AKAP6: variants seen among roughly 807,000 people sequenced by gnomAD.
AKAP6 encodes A-kinase anchor protein 6.
AKAP6 carries 58 observed loss-of-function variants against 188.5 expected under a neutral mutation model. The ratio of observed to expected loss-of-function variants is 0.31; its 90% CI spans 0.25 to 0.38. The LOEUF (loss-of-function observed/expected upper bound fraction) is 0.38, where lower values mean the gene tolerates loss of function less well. Ranked by LOEUF, AKAP6 falls within the 10% of genes least tolerant of loss-of-function variation. The pLI is 1.00. For synonymous variants in AKAP6, 989 were observed against 998.6 expected, an observed-to-expected ratio of 0.99 and a Z score of 0.18; for missense variants, 2,710 against 2,740.0, an observed-to-expected ratio of 0.99 and a Z score of 0.24.
In AKAP6 at chr14:32,653,963, G is replaced by A. The variant is rs529977016; in HGVS notation, c.2731-24348G>A. Among the ~76,000 whole-genome samples, 114 of 152,226 alleles carry A rather than the reference G, an allele frequency of 7.5e-4. 1 individual carries two copies. In the South Asian group the frequency reaches 0.022, roughly 29 times the overall value. ...TAAAAACCTATACAGACTCATAGTA[G>A]CAAATCAGATGGCCCATGTCTTGGG... On this transcript the variant is annotated intron_variant, in intron 7 of 13. Coordinates refer to ENST00000280979, the MANE Select transcript of AKAP6 (RefSeq NM_004274.5).
intron 7 of AKAP6, among the ~76,000 whole-genome samples, chr14:32,633,237 G>T (rs11844811): frequency 0.021 from 3,155 of 152,160 alleles, 113 homozygotes; most frequent in African/African-American, 0.072. Context: ...TTTTACATCA[G>T]AAAATATGGA....
At chr14:32,764,021 G>A (rs1229768989) in intron 11 of AKAP6, among the ~76,000 whole-genome samples, 1 of 152,146 alleles carries the variant, frequency 6.6e-6, no homozygotes, top group Non-Finnish European at 1.5e-5. Flanking sequence ...AGAGAATAGA[G>A]CTATCAGGAC....
At chr14:32,365,577 G>T (rs1379843425) in intron 1 of AKAP6, among the ~76,000 whole-genome samples, 2 of 152,054 alleles carry the variant, frequency 1.3e-5, no homozygotes, top group Non-Finnish European at 2.9e-5. Flanking sequence ...GCCCCCCAGG[G>T]ACCCCATTCT....
chr14:32,648,210 G>T (rs769153405), intron 7 of AKAP6, among the ~76,000 whole-genome samples: 1 of 152,030 alleles, frequency 6.6e-6, no homozygotes, highest in South Asian at 2.1e-4. Context: ...AAAAACAGAC[G>T]TTTTAGAAAA....
intron 1 of AKAP6, among the ~76,000 whole-genome samples, chr14:32,412,572 T>C (rs1385920703): frequency 2.6e-5 from 4 of 152,204 alleles, no homozygotes; most frequent in Non-Finnish European, 4.4e-5. Context: ...CATTATGCAT[T>C]CTATGAAGGG....
chr14:32,827,459 T>A (rs2034703314), intron 13 of AKAP6, among the ~76,000 whole-genome samples: 1 of 151,936 alleles, frequency 6.6e-6, no homozygotes, highest in Non-Finnish European at 1.5e-5. Flanking sequence ...GTAACAAAAA[T>A]GTTTTCCAGA....
intron 13 of AKAP6, among the ~76,000 whole-genome samples, chr14:32,825,104 T>C (rs556157740): frequency 2.6e-5 from 4 of 152,190 alleles, no homozygotes; most frequent in Non-Finnish European, 4.4e-5. Context: ...AATTCTTCCA[T>C]TGAGGGAGAA....
Position 32,546,424 on chromosome 14 carries a change from A to G in AKAP6, c.1771A>G (p.Ile591Val). Residue 591 changes from isoleucine (I) to valine (V), a missense_variant, in exon 4 of 14, where the codon ATC (isoleucine) becomes GTC (valine). By Grantham distance (29) the Ile-to-Val change is conservative. This residue lies in a region of AKAP6 where 2,473 missense variants were observed against 2,426.1 expected (regional missense o/e 1.02). Transcript: ENST00000280979. ...TGAATCCTCTGTTGGCTCAGACAAC[A>G]TCATGTCTCCGGTGCCACTTCTTTC... ...SSESSVGSDN[I>V]MSPVPLLSKH... 1.2e-6 allele frequency: 2 copies of G among 1,614,202 alleles called. No individual in the cohort carries two copies. Among genetic ancestry groups the G allele is most frequent in the Non-Finnish European group, 1.7e-6 (2 of 1,180,030 alleles).
At chr14:32,680,657 G>A (rs1889638421) in intron 8 of AKAP6, among the ~76,000 whole-genome samples, 1 of 152,238 alleles carries the variant, frequency 6.6e-6, no homozygotes, top group East Asian at 1.9e-4. Flanking sequence ...ATGTACTAAT[G>A]TAGCTGAAAA....
At chr14:32,506,172 A>G (rs1385143383) in intron 2 of AKAP6, among the ~76,000 whole-genome samples, 1 of 152,158 alleles carries the variant, frequency 6.6e-6, no homozygotes, top group Non-Finnish European at 1.5e-5. Flanking sequence ...AATAATTATA[A>G]AATGAGATAT....
At chr14:32,730,552 G>A (rs1323400084) in intron 9 of AKAP6, among the ~76,000 whole-genome samples, 2 of 152,026 alleles carry the variant, frequency 1.3e-5, no homozygotes, top group East Asian at 3.9e-4. Context: ...GTTTAAAGTT[G>A]GGGTGAAGAG....
intron 11 of AKAP6, among the ~76,000 whole-genome samples, chr14:32,737,140 A>T (rs1441189421): frequency 1.3e-5 from 2 of 152,104 alleles, no homozygotes; most frequent in Non-Finnish European, 2.9e-5. Flanking sequence ...AAACTTTTTG[A>T]GATTATGGAG....
intron 2 of AKAP6, among the ~76,000 whole-genome samples, chr14:32,496,586 A>G (rs1198480102): frequency 1.3e-5 from 2 of 152,024 alleles, no homozygotes; most frequent in Non-Finnish European, 2.9e-5. Flanking sequence ...TAAAAAAAAA[A>G]AGTTGAAAAG....
intron 1 of AKAP6, among the ~76,000 whole-genome samples, chr14:32,398,108 TC>T (rs1888938804): frequency 6.6e-6 from 1 of 152,336 alleles, no homozygotes; most frequent in Admixed American, 6.5e-5. Flanking sequence ...AGAAGAGAAC[TC>T]CCTCTGCCCT....
intron 9 of AKAP6, among the ~76,000 whole-genome samples, chr14:32,700,415 A>T (rs1890574402): frequency 6.6e-6 from 1 of 152,142 alleles, no homozygotes; most frequent in South Asian, 2.1e-4. Flanking sequence ...AGATAGTATG[A>T]AGCTCACTGA....
chr14:32,584,594 C>A (rs2139295971), intron 5 of AKAP6, among the ~76,000 whole-genome samples: 1 of 152,246 alleles, frequency 6.6e-6, no homozygotes, highest in South Asian at 2.1e-4. Context: ...ATACTTATCA[C>A]CCAAAAGGTT....
At chr14:32,400,598 A>ATG (rs1473877777) in intron 1 of AKAP6, among the ~76,000 whole-genome samples, 1 of 132,042 alleles carries the variant, frequency 7.6e-6, no homozygotes, top group East Asian at 2.4e-4. Flanking sequence ...GCATTCATAA[A>ATG]TGTCATAATG....
At chr14:32,638,002 G>C (rs1887584507) in intron 7 of AKAP6, among the ~76,000 whole-genome samples, 1 of 152,108 alleles carries the variant, frequency 6.6e-6, no homozygotes, top group African/African-American at 2.4e-5. Flanking sequence ...GAGTCACACA[G>C]AGACACTCAG....
At chr14:32,702,480 T>C (rs1422411862) in intron 9 of AKAP6, among the ~76,000 whole-genome samples, 1 of 151,994 alleles carries the variant, frequency 6.6e-6, no homozygotes, top group Admixed American at 6.6e-5. Flanking sequence ...AGTAGATGAA[T>C]GTGGTTTCTC....
Sources: gnomAD v4.1 joint callset for allele counts (sites outside exome capture counted in the v4.1 genomes callset) on GRCh38, gnomAD v4.1.1 for gene constraint, gnomAD v4.1.1 regional missense constraint, MANE v1.5 for transcripts, NCBI Gene and HGNC (gene_info 2026-07-23, HGNC 2026-07-21) for gene names.